Variants in AJUBA observed in about 807,000 individuals in gnomAD.
AJUBA encodes the protein LIM domain-containing protein ajuba.
Under a neutral mutation model 53.3 loss-of-function variants are expected in AJUBA, and 20 were observed. That is an observed-to-expected ratio of 0.38 (90% confidence interval 0.26 to 0.55). The LOEUF is 0.55. Among genes scored for constraint, AJUBA ranks in the 20% least tolerant of loss-of-function variants. AJUBA has a pLI of 0.80. For synonymous variants in AJUBA, 296 were observed against 306.2 expected (o/e 0.97, Z 0.35); for missense variants, 580 against 730.5 (o/e 0.79, Z 2.38).
intron 2 of AJUBA, chr14:22,977,092 C>A: frequency 9.5e-7 from 1 of 1,055,618 alleles, no homozygotes; most frequent in Non-Finnish European, 1.1e-6. Flanking sequence ...ATAGAGAGAA[C>A]CACATTGTTA....
In AJUBA at chr14:22,981,864, G is replaced by A; in HGVS notation, c.403C>T (p.Pro135Ser). The A allele has an allele frequency of 2.0e-6, 3 of 1,534,408 alleles. No individual in the cohort carries two copies. Among genetic ancestry groups the A allele is most frequent in the Non-Finnish European group, 2.6e-6 (3 of 1,145,954 alleles). Residue 135 changes from proline to serine, a missense_variant, in exon 1 of 8, where the codon CCG becomes TCG. Transcript: ENST00000262713. ...AGCAGGCTGCCCCGGGGGCTGGACG[G>A]CTTGCTCGCGTCGCTGGCCGAGCTA... is the stretch of plus-strand genomic sequence containing the variant. ...ASSSASDASK[P>S]SSPRGSLLLD...
At chr14:22,975,513 CAGAAA>C (rs1298406327) in intron 4 of AJUBA, among the ~76,000 whole-genome samples, 1 of 152,146 alleles carries the variant, frequency 6.6e-6, no homozygotes, top group African/African-American at 2.4e-5. Flanking sequence ...TTTGTTTTTA[CAGAAA>C]AGAAAACTGA....
In AJUBA at chr14:22,981,445, G is replaced by A; in HGVS notation, c.822C>T (p.Ala274=). The change falls in exon 1 of 8, where the codon GCC becomes GCT. Residue 274 remains alanine (A), a synonymous_variant. Transcript: ENST00000262713. ...AAGCTGTTAGCTCGTCCTGGTACCG[G>A]GCGCCCACGGCGCAGTCCCCGTAGC... The part of the protein sequence containing the change: ...VTGYGDCAVG[A]RYQDELTALL... The A allele has an allele frequency of 2.5e-6, 4 of 1,610,412 alleles. No individual in the cohort carries two copies. Among genetic ancestry groups the A allele is most frequent in the Non-Finnish European group, 3.4e-6 (4 of 1,179,002 alleles).
In AJUBA at chr14:22,973,545, A is replaced by G. The variant is rs1039331614; in HGVS notation, c.1515T>C (p.Asp505=). ...GAGGGAAACAGCAGCAGCCTTCCTC[A>G]TCACTCAGCTGCATCCGGCAGTCCT... ...HCEDCRMQLS[D]EEGCCCFPLD... is the part of the protein sequence containing the mutation. The change falls in exon 8 of 8, where the codon GAT becomes GAC. Residue 505 remains aspartate, a synonymous_variant. Coordinates refer to ENST00000262713, the MANE Select transcript of AJUBA (RefSeq NM_032876.6). The G allele has an allele frequency of 5.6e-6, 9 of 1,614,196 alleles. No individual in the cohort carries two copies. Among genetic ancestry groups the G allele is most frequent in the Non-Finnish European group, 7.6e-6 (9 of 1,180,020 alleles).
intron 1 of AJUBA, among the ~76,000 whole-genome samples, chr14:22,980,408 C>A (rs2045075795): frequency 6.6e-6 from 1 of 152,142 alleles, no homozygotes; most frequent in South Asian, 2.1e-4. Flanking sequence ...GGAAGTAAGG[C>A]GCTACTTCTG....
At position 22,981,150 on chromosome 14, in the gene AJUBA, C is replaced by A. The variant is rs2045087354; in HGVS notation, c.1006+111G>T. The A allele has an allele frequency of 5.2e-6, 7 of 1,344,476 alleles. No homozygotes were observed. The South Asian group carries it at 1.0e-4, about 20-fold the overall frequency. 83.3% of individuals were successfully genotyped at this position (1,344,476 alleles called of 1,614,324 possible). Reference sequence around the variant, plus strand: ...CATCCCTCTTGCTTCTTTCCTAGTCCCGCGTCTTCACCTCGGACCCCGGGG... The same window carrying A: ...CATCCCTCTTGCTTCTTTCCTAGTCACGCGTCTTCACCTCGGACCCCGGGG... On this transcript the variant is annotated intron_variant, in intron 1 of 7. Transcript: ENST00000262713.
At chr14:22,978,213 CT>C (rs1165380503) in intron 2 of AJUBA, 130 bp downstream of exon 2, 4 of 853,746 alleles carry the variant, frequency 4.7e-6, no homozygotes, top group Non-Finnish European at 7.4e-6. Flanking sequence ...CCTCCAGACA[CT>C]TGGTGGGGAT....
At chr14:22,978,466 C>A in intron 1 of AJUBA, 21 bp from the exon 2 acceptor site, 1 of 1,602,408 alleles carries the variant, frequency 6.2e-7, no homozygotes, top group Non-Finnish European at 8.5e-7. Flanking sequence ...AAAAGTGTCA[C>A]ACTCTACTCC....
At chr14:22,976,553 T>A in intron 3 of AJUBA, 35 bp from the exon 4 acceptor site, 1 of 1,613,756 alleles carries the variant, frequency 6.2e-7, no homozygotes, top group Non-Finnish European at 8.5e-7. Flanking sequence ...GAGGCTGTTA[T>A]CAAACTGAGA....
In AJUBA at chr14:22,979,172, T is replaced by A. The variant is rs947314159; in HGVS notation, c.1007-727A>T. 1 of 1,185,464 alleles carries A rather than the reference T, an allele frequency of 8.4e-7. No homozygotes were observed. The highest frequency in any genetic ancestry group is 1.6e-5 in the African/African-American group (1 of 62,422). 73.4% of individuals were successfully genotyped at this position (1,185,464 alleles called of 1,614,324 possible). On this transcript the variant is annotated intron_variant, in intron 1 of 7. Transcript: ENST00000262713. The surrounding 1 kb of genome is among the most constrained non-coding windows in gnomAD (Gnocchi z 4.0). ...TGGGAAGAATACAGAACTGAACTGC[T>A]TGCTATTCCCCAAAATCCCCCACTA...
intron 2 of AJUBA, chr14:22,977,217 G>T: frequency 2.0e-6 from 2 of 987,840 alleles, no homozygotes; most frequent in Non-Finnish European, 2.4e-6. Flanking sequence ...GGTCAGGACT[G>T]GAGTTACTGC....
chr14:22,981,859 G>C lies in AJUBA; in HGVS notation c.408C>G (p.Ser136=), dbSNP rs965192502. Reference sequence around the variant, plus strand: ...CCAGCAGCAGGCTGCCCCGGGGGCTGGACGGCTTGCTCGCGTCGCTGGCCG... The same window carrying C: ...CCAGCAGCAGGCTGCCCCGGGGGCTCGACGGCTTGCTCGCGTCGCTGGCCG... ...SSSASDASKP[S]SPRGSLLLDG... is the part of the protein sequence containing the mutation. Residue 136 remains serine, a synonymous_variant, in exon 1 of 8, where the codon TCC becomes TCG. Transcript: ENST00000262713. 6.5e-7 allele frequency: 1 copy of C among 1,534,340 alleles called. No homozygotes were observed. The highest frequency in any genetic ancestry group is 1.4e-5 in the African/African-American group (1 of 72,776).
Position 22,981,245 on chromosome 14 carries a change from C to A in AJUBA, c.1006+16G>T. 1 of 1,585,054 alleles carries A rather than the reference C, an allele frequency of 6.3e-7. No individual in the cohort carries two copies. The highest frequency in any genetic ancestry group is 8.6e-7 in the Non-Finnish European group (1 of 1,162,572). ...TGACGGGTCCCTTCCCGTCCCTAAC[C>A]ACTTCTCTCACTCACCGAAGTAGTC... On this transcript the variant is annotated intron_variant, in intron 1 of 7. Transcript: ENST00000262713.
Position 22,981,516 on chromosome 14 carries a change from GCCC to G in AJUBA, c.748_750del (p.Gly250del). 1 of 1,571,092 alleles carries G rather than the reference GCCC, an allele frequency of 6.4e-7. No homozygotes were observed. Among genetic ancestry groups the G allele is most frequent in the Non-Finnish European group, 8.6e-7 (1 of 1,161,880 alleles). On this transcript the variant is annotated inframe_deletion, in exon 1 of 8. Coordinates refer to ENST00000262713, the MANE Select transcript of AJUBA (RefSeq NM_032876.6). ...GGTTGCGCCCCCCGTCTCTCCAAGG[GCCC>G]CGCCGCTCCCACTCCGGCCCCGGCT...
intron 1 of AJUBA, chr14:22,980,770 G>A: frequency 1.2e-6 from 1 of 813,922 alleles, no homozygotes; most frequent in Non-Finnish European, 1.5e-6. Flanking sequence ...CCCCGCCCGC[G>A]GGCACCTGGA....
Position 22,982,086 on chromosome 14 carries a change from A to C in AJUBA, c.181T>G (p.Leu61Val). 3 of 1,592,766 alleles carry C rather than the reference A, an allele frequency of 1.9e-6. No individual in the cohort carries two copies. Among genetic ancestry groups the C allele is most frequent in the Non-Finnish European group, 2.6e-6 (3 of 1,172,446 alleles). The part of the protein sequence containing the change: ...GATGGPGDEP[L>V]EPAREQGSLD... ...GAACCTTGCTCCCGGGCCGGCTCCA[A>C]CGGCTCATCCCCAGGTCCCCCAGTA... Residue 61 changes from leucine (L) to valine (V), a missense_variant, in exon 1 of 8, where the codon TTG becomes GTG. Transcript: ENST00000262713.
chr14:22,982,489 G>A lies in AJUBA; in HGVS notation c.-223C>T. The A allele has an allele frequency of 3.5e-6, 5 of 1,410,760 alleles. No homozygotes were observed. In the South Asian group the frequency reaches 7.5e-5, roughly 21 times the overall value. The allele number at this position is 1,410,760 out of a possible 1,614,324, so 87.4% of individuals were successfully genotyped here. Reference sequence around the variant, plus strand: ...CATCTGGGGCTGAGCGGGGCTAGCAGGGTCTCTGGCCGCGGCTGTCCAGTC... The same window carrying A: ...CATCTGGGGCTGAGCGGGGCTAGCAAGGTCTCTGGCCGCGGCTGTCCAGTC... On this transcript the variant is annotated 5_prime_UTR_variant, in exon 1 of 8. Coordinates refer to ENST00000262713, the MANE Select transcript of AJUBA (RefSeq NM_032876.6).
rs1471061937 is a variant in AJUBA at position 22,975,418 on chromosome 14, GTT to G, written c.1240-316_1240-315del. 4 of 251,698 alleles carry G rather than the reference GTT, an allele frequency of 1.6e-5. No homozygotes were observed. In the South Asian group the frequency reaches 4.5e-4, roughly 28 times the overall value. 15.6% of individuals were successfully genotyped at this position (251,698 alleles called of 1,614,324 possible). A position where few individuals can be genotyped will look rare whatever the true frequency, so the allele number is the denominator to read the frequency against. Reference sequence around the variant, plus strand: ...TCTGTGGTGATGGGATCCAAACACTGTTTTTTGTTTTGTTTTGTTTTTTAGTT... The same window carrying G: ...TCTGTGGTGATGGGATCCAAACACTGTTTTGTTTTGTTTTGTTTTTTAGTT... On this transcript the variant is annotated intron_variant, in intron 4 of 7. Transcript: ENST00000262713.
intron 1 of AJUBA, 106 bp from the exon 2 acceptor site, chr14:22,978,551 T>G: frequency 1.3e-6 from 2 of 1,505,720 alleles, no homozygotes; most frequent in South Asian, 2.6e-5. Context: ...CAGTCTCCCT[T>G]TGATGGGCTC....
Sources: gnomAD v4.1 joint callset for allele counts (sites outside exome capture counted in the v4.1 genomes callset) on GRCh38, gnomAD v4.1.1 for gene constraint, Gnocchi (gnomAD v3.1) non-coding constraint, MANE v1.5 for transcripts, NCBI Gene and HGNC (gene_info 2026-07-23, HGNC 2026-07-21) for gene names.